The following RRM2B variants were observed in gnomAD, a reference collection of about 807,000 sequenced individuals.
The protein encoded by RRM2B is ribonucleotide reductase regulatory TP53 inducible subunit M2B, also known as ribonucleoside-diphosphate reductase subunit M2 B.
RRM2B carries 20 observed loss-of-function variants against 45.9 expected under a neutral mutation model. That is an observed-to-expected ratio of 0.44 (90% CI 0.31 to 0.63). The LOEUF is 0.63. Ranked by LOEUF, RRM2B falls within the 30% of genes least tolerant of loss-of-function variation. The probability of loss-of-function intolerance (pLI) is 0.09; values close to 1 mark genes in which losing one functional copy is unlikely to be tolerated. For synonymous variants in RRM2B, 124 were observed against 132.3 expected, an observed-to-expected ratio of 0.94 and a Z score of 0.43; for missense variants, 320 against 414.7, an observed-to-expected ratio of 0.77 and a Z score of 1.98.
intron 2 of RRM2B, among the ~76,000 whole-genome samples, chr8:102,230,511 A>G (rs558458498): frequency 4.6e-5 from 7 of 152,352 alleles, no homozygotes; most frequent in African/African-American, 4.8e-5. Context: ...AACCGTATCT[A>G]ACAAAAAACC....
At chr8:102,221,069 A>C (rs1339956009) in intron 5 of RRM2B, among the ~76,000 whole-genome samples, 2 of 152,178 alleles carry the variant, frequency 1.3e-5, no homozygotes, top group East Asian at 3.8e-4. Context: ...TACATATATT[A>C]AGTTTTAATC....
In RRM2B at chr8:102,230,596, T is replaced by C. The variant is rs934735220; in HGVS notation, c.204+1553A>G. On this transcript the variant is annotated intron_variant, in intron 2 of 8. Coordinates refer to ENST00000251810, the MANE Select transcript of RRM2B (RefSeq NM_015713.5). ...TGACCACGTATGAAAATATTGGGTG[T>C]TTGTTTTTGTGTGGTTTGGTTTTTT... 2.8e-4 allele frequency among the ~76,000 whole-genome samples: 42 copies of C among 152,190 alleles called. 1 individual carries two copies. The highest frequency in any genetic ancestry group is 2.9e-5 in the Non-Finnish European group (2 of 68,038).
At chr8:102,216,058 T>C (rs1810726012) in intron 6 of RRM2B, among the ~76,000 whole-genome samples, 1 of 151,410 alleles carries the variant, frequency 6.6e-6, no homozygotes. Context: ...TATGAAACTA[T>C]AATAATTAAA....
At chr8:102,214,928 C>T (rs28927371) in intron 6 of RRM2B, among the ~76,000 whole-genome samples, 2 of 149,492 alleles carry the variant, frequency 1.3e-5, no homozygotes, top group East Asian at 2.0e-4. Context: ...GTGAAATACC[C>T]GAGTATGGTT....
intron 5 of RRM2B, among the ~76,000 whole-genome samples, chr8:102,221,721 T>C (rs894221918): frequency 2.0e-5 from 3 of 152,218 alleles, no homozygotes; most frequent in African/African-American, 7.2e-5. Flanking sequence ...TGTAGTTACA[T>C]GGTGACTGCC....
At position 102,224,149 on chromosome 8, in the gene RRM2B, A is replaced by G; in HGVS notation, c.456-9T>C. The G allele has an allele frequency of 1.3e-6, 2 of 1,545,722 alleles. No homozygotes were observed. Among genetic ancestry groups the G allele is most frequent in the Non-Finnish European group, 1.8e-6 (2 of 1,117,836 alleles). On this transcript the variant is annotated splice_polypyrimidine_tract_variant and intron_variant, in intron 4 of 8. Transcript: ENST00000251810. ...CATTAAATAAAAATTCCCTGTAAAA[A>G]CAAAAGAATGAACAGCAAAGTTATT...
intron 1 of RRM2B, among the ~76,000 whole-genome samples, chr8:102,236,302 T>C (rs2132567028): frequency 6.6e-6 from 1 of 152,312 alleles, no homozygotes; most frequent in African/African-American, 2.4e-5. Context: ...TTTGAAAATC[T>C]GTACCCCACA....
chr8:102,226,325 AT>A (rs199635879), intron 2 of RRM2B, among the ~76,000 whole-genome samples: 4 of 148,058 alleles, frequency 2.7e-5, no homozygotes, highest in African/African-American at 1.0e-4. Flanking sequence ...TAACCATTTT[AT>A]TATATATATA....
rs1266106048 is a variant in RRM2B at position 102,205,379 on chromosome 8, G to A, written c.*2754C>T. On this transcript the variant is annotated 3_prime_UTR_variant, in exon 9 of 9. Coordinates refer to ENST00000251810, the MANE Select transcript of RRM2B (RefSeq NM_015713.5). The stretch of plus-strand genomic sequence containing the variant: ...GGCAATAGAAAAAGCAGAAAAATAT[G>A]GATGTTTCTAAATGAGACAATGAGA... The A allele has an allele frequency of 1.3e-5, 2 of 152,122 alleles. No homozygotes were observed. Among genetic ancestry groups the A allele is most frequent in the African/African-American group, 2.4e-5 (1 of 41,444 alleles). 9.4% of individuals were successfully genotyped at this position (152,122 alleles called of 1,614,324 possible).
rs2132538017 is a variant in RRM2B at position 102,206,430 on chromosome 8, G to A, written c.*1703C>T. The A allele has an allele frequency of 6.6e-6, 1 of 152,200 alleles. No individual in the cohort carries two copies. The highest frequency in any genetic ancestry group is 2.1e-4 in the South Asian group (1 of 4,824). 9.4% of individuals were successfully genotyped at this position (152,200 alleles called of 1,614,324 possible). A position where few individuals can be genotyped will look rare whatever the true frequency, so the allele number is the denominator to read the frequency against. On this transcript the variant is annotated 3_prime_UTR_variant, in exon 9 of 9. Transcript: ENST00000251810. ...TGCAAAAATTAATGGTATTATCATA[G>A]GCCAAAAGATCTCAAGTTTCTGACA...
intron 2 of RRM2B, among the ~76,000 whole-genome samples, chr8:102,226,948 T>C (rs1810942816): frequency 6.6e-6 from 1 of 152,184 alleles, no homozygotes; most frequent in Admixed American, 6.5e-5. Context: ...TCTCTTGACC[T>C]CATGATCTGT....
chr8:102,225,392 C>T (rs1011379942), intron 3 of RRM2B, among the ~76,000 whole-genome samples: 2 of 152,024 alleles, frequency 1.3e-5, no homozygotes, highest in African/African-American at 4.8e-5. Flanking sequence ...CGCCAACACG[C>T]CCAGCTAATT....
At chr8:102,230,142 C>T (rs1432203322) in intron 2 of RRM2B, among the ~76,000 whole-genome samples, 2 of 152,120 alleles carry the variant, frequency 1.3e-5, no homozygotes, top group African/African-American at 4.8e-5. Flanking sequence ...AAACCCCAGA[C>T]TTTTGTCTTT....
intron 1 of RRM2B, among the ~76,000 whole-genome samples, chr8:102,233,078 G>T (rs1811059433): frequency 6.6e-6 from 1 of 152,220 alleles, no homozygotes; most frequent in African/African-American, 2.4e-5. Flanking sequence ...GTGTGAGAAT[G>T]AGTATAAACA....
At chr8:102,226,081 T>A in intron 2 of RRM2B, 47 bp from the exon 3 acceptor site, 1 of 1,157,982 alleles carries the variant, frequency 8.6e-7, no homozygotes. Context: ...GTTAAGTTCT[T>A]CTCAAAGTGT....
At chr8:102,234,506 C>A (rs990614889) in intron 1 of RRM2B, among the ~76,000 whole-genome samples, 1 of 152,036 alleles carries the variant, frequency 6.6e-6, no homozygotes, top group South Asian at 2.1e-4. Flanking sequence ...ACAGTACCCT[C>A]TGTGGACCTA....
intron 2 of RRM2B, among the ~76,000 whole-genome samples, chr8:102,227,566 T>G (rs1358193350): frequency 1.3e-5 from 2 of 152,232 alleles, no homozygotes; most frequent in Non-Finnish European, 2.9e-5. Context: ...CCTCCCAAAG[T>G]GCTGGGAGTA....
Position 102,238,921 on chromosome 8 carries a change from T to A in RRM2B, c.-47A>T, listed in dbSNP as rs780279421. On this transcript the variant is annotated 5_prime_UTR_variant, in exon 1 of 9. Transcript: ENST00000251810. ...ACGGGCGCTGAGGGAACTGAGCTCC[T>A]CAGGCCACCTCCAACTACGACAGCA... 2 of 1,593,480 alleles carry A rather than the reference T, an allele frequency of 1.3e-6. No homozygotes were observed. The highest frequency in any genetic ancestry group is 1.7e-6 in the Non-Finnish European group (2 of 1,171,480).
At chr8:102,232,405 G>A (rs979301303) in intron 1 of RRM2B, 101 bp from the exon 2 acceptor site, 18 of 1,200,270 alleles carry the variant, frequency 1.5e-5, no homozygotes, top group Non-Finnish European at 2.1e-5. Flanking sequence ...GCATTGGTTT[G>A]AGAGCCTGTC....
Sources: allele counts gnomAD v4.1 joint callset (sites outside exome capture counted in the v4.1 genomes callset), GRCh38; gene constraint gnomAD v4.1.1; transcripts MANE v1.5; gene names NCBI Gene and HGNC (gene_info 2026-07-23, HGNC 2026-07-21).